Variants in ADAMTSL1 observed in about 807,000 individuals in gnomAD.
ADAMTSL1 encodes ADAMTS like 1.
Under a neutral mutation model 201.8 loss-of-function variants are expected in ADAMTSL1, and 126 were observed. That is an observed-to-expected ratio of 0.62 (90% CI 0.54 to 0.72). The LOEUF (loss-of-function observed/expected upper bound fraction) is 0.72. Ranked by LOEUF, ADAMTSL1 falls within the 30% of genes least tolerant of loss-of-function variation. The pLI is 0.00. For missense variants in ADAMTSL1, 2,679 were observed against 2,277.8 expected (o/e 1.18, Z -3.59); for synonymous variants, 1,121 against 903.4 (o/e 1.24, Z -4.32).
intron 2 of ADAMTSL1, among the ~76,000 whole-genome samples, chr9:18,208,715 C>T (rs1829751913): frequency 1.3e-5 from 2 of 152,026 alleles, no homozygotes; most frequent in Admixed American, 6.6e-5. Context: ...GGACTGTATC[C>T]CAGGCAGTGT....
At chr9:18,189,600 C>T (rs1163617308) in intron 2 of ADAMTSL1, among the ~76,000 whole-genome samples, 1 of 152,108 alleles carries the variant, frequency 6.6e-6, no homozygotes, top group Non-Finnish European at 1.5e-5. Flanking sequence ...ACAGATATGT[C>T]ATAGTTTGAA....
At chr9:18,086,196 G>T (rs1185689037) in intron 1 of ADAMTSL1, among the ~76,000 whole-genome samples, 1 of 152,088 alleles carries the variant, frequency 6.6e-6, no homozygotes, top group East Asian at 1.9e-4. Flanking sequence ...CTCTGCAGAG[G>T]TCATCTTTGT....
intron 4 of ADAMTSL1, among the ~76,000 whole-genome samples, chr9:18,616,927 A>C (rs998016267): frequency 6.6e-6 from 1 of 152,206 alleles, no homozygotes; most frequent in Non-Finnish European, 1.5e-5. Flanking sequence ...TTATTAAAAT[A>C]ATTAGTAAAT....
intron 2 of ADAMTSL1, among the ~76,000 whole-genome samples, chr9:18,195,237 G>A (rs1829127849): frequency 6.6e-6 from 1 of 152,134 alleles, no homozygotes. Flanking sequence ...TTCTACCCTT[G>A]CGCAGCCTGT....
chr9:18,292,001 G>T (rs555683540), intron 2 of ADAMTSL1, among the ~76,000 whole-genome samples: 5 of 152,190 alleles, frequency 3.3e-5, no homozygotes, highest in Non-Finnish European at 5.9e-5. Flanking sequence ...GTAGGTGGTA[G>T]CCCAGGGAAA....
At chr9:18,539,062 T>C (rs1564029047) in intron 3 of ADAMTSL1, among the ~76,000 whole-genome samples, 1 of 152,178 alleles carries the variant, frequency 6.6e-6, no homozygotes, top group Non-Finnish European at 1.5e-5. Context: ...CACTCTAAGA[T>C]GGGAAGTAGG....
intron 1 of ADAMTSL1, among the ~76,000 whole-genome samples, chr9:18,013,648 G>C (rs931247687): frequency 6.6e-6 from 1 of 151,988 alleles, no homozygotes; most frequent in Non-Finnish European, 1.5e-5. Context: ...CCTTATTCAT[G>C]TTACTCAACT....
intron 2 of ADAMTSL1, among the ~76,000 whole-genome samples, chr9:18,320,021 A>G (rs1426064458): frequency 6.6e-6 from 1 of 152,054 alleles, no homozygotes; most frequent in Non-Finnish European, 1.5e-5. Context: ...CAAACCAAGA[A>G]ATGAAGTGGC....
intron 15 of ADAMTSL1, among the ~76,000 whole-genome samples, chr9:18,750,590 T>C (rs890332919): frequency 5.3e-5 from 8 of 152,256 alleles, no homozygotes; most frequent in Non-Finnish European, 7.3e-5. Context: ...TTCTTGCATA[T>C]GTCTTTTGAT....
chr9:18,604,869 C>T (rs1019855054), intron 4 of ADAMTSL1, among the ~76,000 whole-genome samples: 1 of 152,150 alleles, frequency 6.6e-6, no homozygotes, highest in Admixed American at 6.5e-5. Flanking sequence ...ATTTTACATT[C>T]CCACCAGTTC....
intron 1 of ADAMTSL1, among the ~76,000 whole-genome samples, chr9:17,929,561 C>A (rs994062549): frequency 6.6e-6 from 1 of 152,218 alleles, no homozygotes; most frequent in South Asian, 2.1e-4. Context: ...CTTCCCCTCA[C>A]TCAGCTCCCT....
At chr9:17,934,045 C>T (rs961111967) in intron 1 of ADAMTSL1, among the ~76,000 whole-genome samples, 6 of 152,164 alleles carry the variant, frequency 3.9e-5, no homozygotes, top group African/African-American at 1.4e-4. Flanking sequence ...GCTCTCACTG[C>T]AGTGGGAATG....
At chr9:18,822,959 A>T (rs561543613) in intron 21 of ADAMTSL1, among the ~76,000 whole-genome samples, 2 of 152,244 alleles carry the variant, frequency 1.3e-5, no homozygotes, top group Admixed American at 1.3e-4. Flanking sequence ...TCATCTCCTG[A>T]GAGAAAAAGA....
intron 26 of ADAMTSL1, among the ~76,000 whole-genome samples, chr9:18,905,069 T>C (rs936451901): frequency 6.6e-6 from 1 of 152,168 alleles, no homozygotes; most frequent in Admixed American, 6.5e-5. Flanking sequence ...GTTAAGAGCC[T>C]TTGTTCTAAA....
intron 2 of ADAMTSL1, among the ~76,000 whole-genome samples, chr9:18,415,609 G>A (rs975823567): frequency 6.6e-6 from 1 of 151,814 alleles, no homozygotes. Flanking sequence ...AGTTGGGAGG[G>A]GGTACAGAGA....
intron 2 of ADAMTSL1, among the ~76,000 whole-genome samples, chr9:18,281,355 T>G (rs1832780054): frequency 6.6e-6 from 1 of 151,808 alleles, no homozygotes; most frequent in African/African-American, 2.4e-5. Context: ...GGCTCCAGAG[T>G]CAGACACCGC....
At chr9:18,420,649 A>G (rs989371984) in intron 2 of ADAMTSL1, among the ~76,000 whole-genome samples, 8 of 151,818 alleles carry the variant, frequency 5.3e-5, no homozygotes, top group East Asian at 1.9e-4. Flanking sequence ...TATCATTGAT[A>G]GCAGGGGACC....
intron 2 of ADAMTSL1, among the ~76,000 whole-genome samples, chr9:18,237,394 A>G (rs1485912846): frequency 2.6e-5 from 4 of 152,138 alleles, no homozygotes; most frequent in African/African-American, 9.7e-5. Context: ...ATGTATTTCC[A>G]TCTATATTTT....
intron 1 of ADAMTSL1, among the ~76,000 whole-genome samples, chr9:17,948,743 C>G (rs1827612147): frequency 6.6e-6 from 1 of 152,170 alleles, no homozygotes; most frequent in Non-Finnish European, 1.5e-5. Flanking sequence ...TTAAACCATC[C>G]TGGTTTAGGT....
Sources: allele counts gnomAD v4.1 joint callset (sites outside exome capture counted in the v4.1 genomes callset), GRCh38; gene constraint gnomAD v4.1.1; transcripts MANE v1.5; gene names NCBI Gene and HGNC (gene_info 2026-07-23, HGNC 2026-07-21).